The following DPH6 variants were observed in gnomAD, a reference collection of about 807,000 sequenced individuals.
DPH6 encodes diphthamine biosynthesis 6.
Under a neutral mutation model 38.2 loss-of-function variants are expected in DPH6, and 33 were observed. That is an observed-to-expected ratio of 0.86 (90% CI 0.65 to 1.15). DPH6 has a LOEUF of 1.15. DPH6 is among the 50% of genes most tolerant of loss of function. The pLI, the probability that DPH6 is intolerant of heterozygous loss-of-function variation, is 0.00. For missense variants in DPH6, 325 were observed against 320.0 expected, an observed-to-expected ratio of 1.02 and a Z score of -0.12; for synonymous variants, 108 against 103.0, an observed-to-expected ratio of 1.05 and a Z score of -0.30.
At chr15:35,441,609 A>G (rs1264550818) in intron 5 of DPH6, among the ~76,000 whole-genome samples, 1 of 152,212 alleles carries the variant, frequency 6.6e-6, no homozygotes, top group Admixed American at 6.5e-5. Flanking sequence ...GAGTTGAACA[A>G]TGAGAACACT....
At chr15:35,309,831 G>T (rs920009686) in intron 3 of DPH6, among the ~76,000 whole-genome samples, 1 of 152,128 alleles carries the variant, frequency 6.6e-6, no homozygotes, top group Non-Finnish European at 1.5e-5. Flanking sequence ...TAAGTGCCTG[G>T]CACATTTCTG....
In DPH6 at chr15:35,503,824, A is replaced by G. The variant is rs1755535024; in HGVS notation, c.312+34450T>C. Among the ~76,000 whole-genome samples, 2 of 152,154 alleles carry G rather than the reference A, an allele frequency of 1.3e-5. 1 individual carries two copies. The highest frequency in any genetic ancestry group is 4.1e-4 in the South Asian group (2 of 4,832). ...TCTCCATTTTATAGAAGAGGAAACA[A>G]AGGCACAGAGAGGTAAAGTAACTTG... On this transcript the variant is annotated intron_variant, in intron 3 of 8. Coordinates refer to ENST00000256538, the MANE Select transcript of DPH6 (RefSeq NM_080650.4).
chr15:35,538,610 A>C (rs945180158), intron 2 of DPH6, 143 bp from the exon 3 acceptor site: 3 of 680,226 alleles, frequency 4.4e-6, no homozygotes, highest in Non-Finnish European at 4.4e-6. Flanking sequence ...TTTATGTAGT[A>C]AAATAAAAAC....
chr15:35,209,400 T>C, the DPH6 span, among the ~76,000 whole-genome samples: 2 of 152,172 alleles, frequency 1.3e-5, no homozygotes, highest in African/African-American at 4.8e-5. Flanking sequence ...TTTCAGAAAC[T>C]ACTTTTGATA....
chr15:35,483,178 A>G (rs2054349506), intron 3 of DPH6, among the ~76,000 whole-genome samples: 1 of 151,954 alleles, frequency 6.6e-6, no homozygotes, highest in Non-Finnish European at 1.5e-5. Flanking sequence ...TTAAAACCAC[A>G]ATGAGGCTTG....
intron 3 of DPH6, among the ~76,000 whole-genome samples, chr15:35,311,184 G>A (rs2052139107): frequency 6.6e-6 from 1 of 152,012 alleles, no homozygotes; most frequent in Non-Finnish European, 1.5e-5. Context: ...TAAGATACAT[G>A]AATTATACGT....
chr15:35,338,095 C>T (rs1403097404), intron 3 of DPH6, among the ~76,000 whole-genome samples: 1 of 152,148 alleles, frequency 6.6e-6, no homozygotes, highest in African/African-American at 2.4e-5. Flanking sequence ...AAAACCTAGG[C>T]ATTACCATTC....
the DPH6 span, among the ~76,000 whole-genome samples, chr15:35,179,809 G>C: frequency 6.6e-6 from 1 of 152,196 alleles, no homozygotes; most frequent in East Asian, 1.9e-4. Context: ...CAAAACTAAG[G>C]AGTTGATGCA....
chr15:35,307,128 G>A (rs1298625250), intron 3 of DPH6, among the ~76,000 whole-genome samples: 1 of 151,962 alleles, frequency 6.6e-6, no homozygotes, highest in Non-Finnish European at 1.5e-5. Context: ...CCTTATTAGT[G>A]GCAAGAGAAA....
intron 7 of DPH6, among the ~76,000 whole-genome samples, chr15:35,379,128 C>T (rs1214860233): frequency 6.6e-6 from 1 of 152,166 alleles, no homozygotes; most frequent in Non-Finnish European, 1.5e-5. Context: ...AGTCTACTTC[C>T]GTTGTTACAT....
intron 3 of DPH6, among the ~76,000 whole-genome samples, chr15:35,287,180 TGATATATTA>T (rs964920032): frequency 4.6e-5 from 7 of 152,182 alleles, no homozygotes; most frequent in African/African-American, 1.7e-4. Context: ...AGTCAAGAGA[TGATATATTA>T]GAAAAATAAT....
At chr15:35,156,730 A>G in the DPH6 span, among the ~76,000 whole-genome samples, 1 of 152,132 alleles carries the variant, frequency 6.6e-6, no homozygotes, top group Admixed American at 6.6e-5. Flanking sequence ...AACAATTGCT[A>G]TTTGACATCT....
chr15:35,210,497 T>G, the DPH6 span, among the ~76,000 whole-genome samples: 1 of 152,200 alleles, frequency 6.6e-6, no homozygotes, highest in Non-Finnish European at 1.5e-5. Flanking sequence ...AATTAACCAC[T>G]GTATTTGTTT....
At chr15:35,176,759 C>T in the DPH6 span, among the ~76,000 whole-genome samples, 1 of 152,192 alleles carries the variant, frequency 6.6e-6, no homozygotes, top group Non-Finnish European at 1.5e-5. Flanking sequence ...GCGTGAGCCA[C>T]CGTGCCTGGC....
chr15:35,192,153 A>G, the DPH6 span, among the ~76,000 whole-genome samples: 2 of 152,184 alleles, frequency 1.3e-5, no homozygotes, highest in Admixed American at 1.3e-4. Flanking sequence ...TATTTAAGAC[A>G]GGGTTAAACA....
chr15:35,368,307 T>C (rs184374904), downstream of DPH6, among the ~76,000 whole-genome samples: 1 of 151,802 alleles, frequency 6.6e-6, no homozygotes, highest in African/African-American at 2.4e-5. Context: ...GGAGTGGCCA[T>C]TGGTTCAGTA....
intron 3 of DPH6, among the ~76,000 whole-genome samples, chr15:35,332,988 CA>C (rs2052338836): frequency 1.3e-5 from 2 of 151,774 alleles, no homozygotes; most frequent in Non-Finnish European, 2.9e-5. Flanking sequence ...TATCCTCATA[CA>C]GTTCACTTCA....
At chr15:35,339,072 C>A (rs1348069699) in intron 3 of DPH6, among the ~76,000 whole-genome samples, 2 of 151,946 alleles carry the variant, frequency 1.3e-5, no homozygotes, top group Non-Finnish European at 2.9e-5. Flanking sequence ...TTAGGAGATA[C>A]ACCTAATGTA....
chr15:35,329,500 A>G (rs1301262676), downstream of DPH6, among the ~76,000 whole-genome samples: 1 of 152,224 alleles, frequency 6.6e-6, no homozygotes, highest in African/African-American at 2.4e-5. Context: ...GACAAAATTT[A>G]TCTTCCTTGT....
Sources: gnomAD v4.1 joint callset for allele counts (sites outside exome capture counted in the v4.1 genomes callset) on GRCh38, gnomAD v4.1.1 for gene constraint, MANE v1.5 for transcripts, NCBI Gene and HGNC (gene_info 2026-07-23, HGNC 2026-07-21) for gene names.